RBFOX1: variants seen among roughly 807,000 people sequenced by gnomAD.
RBFOX1 encodes RNA binding protein fox-1 homolog 1.
In RBFOX1, 8 loss-of-function variants were observed where a neutral mutation model predicts 57.7. That is an observed-to-expected ratio of 0.14 (90% CI 0.08 to 0.25). The LOEUF (loss-of-function observed/expected upper bound fraction) is 0.25. Among genes scored for constraint, RBFOX1 ranks in the 10% least tolerant of loss-of-function variants. The pLI is 1.00. For missense variants in RBFOX1, 611 were observed against 548.5 expected (o/e 1.11, Z -1.14); for synonymous variants, 326 against 222.4 (o/e 1.47, Z -4.15).
intron 4 of RBFOX1, among the ~76,000 whole-genome samples, chr16:7,275,565 T>A (rs1431919767): frequency 6.6e-6 from 1 of 152,218 alleles, no homozygotes; most frequent in East Asian, 1.9e-4. Context: ...CTGGACTTCT[T>A]TAGTGAAAGA....
intron 2 of RBFOX1, among the ~76,000 whole-genome samples, chr16:5,597,303 C>G (rs140883374): frequency 6.7e-6 from 1 of 149,372 alleles, no homozygotes; most frequent in Non-Finnish European, 1.5e-5. Context: ...CTCCCGCCCT[C>G]TCTCTTTTGA....
At chr16:6,723,110 C>T (rs1206000942) in intron 3 of RBFOX1, among the ~76,000 whole-genome samples, 1 of 152,182 alleles carries the variant, frequency 6.6e-6, no homozygotes, top group African/African-American at 2.4e-5. Flanking sequence ...AGAGTTTTCA[C>T]AACGTGTTTG....
rs914445744 is a variant in RBFOX1 at position 7,180,879 on chromosome 16, T to C, written c.27+128781T>C. On this transcript the variant is annotated intron_variant, in intron 4 of 15. Coordinates refer to ENST00000550418, the MANE Select transcript of RBFOX1 (RefSeq NM_018723.4). The stretch of plus-strand genomic sequence containing the variant: ...CATGACATTGCCACAAAGTATTTGG[T>C]TGGCAAACTTTTCCTGCAGAGGGTC... 3.3e-5 allele frequency among the ~76,000 whole-genome samples: 5 copies of C among 152,356 alleles called. No individual in the cohort carries two copies. In the East Asian group the frequency reaches 9.7e-4, roughly 29 times the overall value.
In RBFOX1 at chr16:7,251,405, G is replaced by GTTT. The variant is rs71391610; in HGVS notation, c.27+199321_27+199323dup. ...GTAGATACAGAGCATACTTCTGTCC[G>GTTT]TTTTTTTTTTTTTTTTCTGTGGGGG... On this transcript the variant is annotated intron_variant, in intron 4 of 15. Coordinates refer to ENST00000550418, the MANE Select transcript of RBFOX1 (RefSeq NM_018723.4). 4.7e-3 allele frequency among the ~76,000 whole-genome samples: 599 copies of GTTT among 127,890 alleles called. 20 individuals carry two copies. Among genetic ancestry groups the GTTT allele is most frequent in the African/African-American group, 0.011 (363 of 33,374 alleles). The allele number at this position is 127,890 out of a possible 152,430, so 83.9% of individuals were successfully genotyped here. A position where few individuals can be genotyped will look rare whatever the true frequency, so the allele number is the denominator to read the frequency against.
At chr16:6,822,795 C>G (rs1198245262) in intron 3 of RBFOX1, among the ~76,000 whole-genome samples, 1 of 152,188 alleles carries the variant, frequency 6.6e-6, no homozygotes, top group East Asian at 1.9e-4. Context: ...TATGGTCTGA[C>G]TCTCCAACCA....
At chr16:5,549,263 G>T (rs2045359724) in intron 2 of RBFOX1, among the ~76,000 whole-genome samples, 1 of 152,156 alleles carries the variant, frequency 6.6e-6, no homozygotes, top group African/African-American at 2.4e-5. Context: ...CTTCTGGTCT[G>T]CAGATACTTC....
In RBFOX1 at chr16:6,926,003, T is replaced by C. The variant is rs547561430; in HGVS notation, c.-15-126054T>C. On this transcript the variant is annotated intron_variant, in intron 3 of 15. Coordinates refer to ENST00000550418, the MANE Select transcript of RBFOX1 (RefSeq NM_018723.4). ...CCATGTCAACCGTCAGATCTCTGTC[T>C]ATGCTCAAAAACCTCAACTTGCTGG... is the stretch of plus-strand genomic sequence containing the variant. 5.9e-5 allele frequency among the ~76,000 whole-genome samples: 9 copies of C among 152,226 alleles called. No individual in the cohort carries two copies. The South Asian group carries it at 1.9e-3, about 32-fold the overall frequency.
intron 5 of RBFOX1, among the ~76,000 whole-genome samples, chr16:7,561,386 G>A (rs2090329222): frequency 1.3e-5 from 2 of 152,188 alleles, no homozygotes; most frequent in African/African-American, 4.8e-5. Context: ...AGGAGATGCA[G>A]GCATTTCTAT....
At chr16:6,252,725 A>C (rs1472590494) in intron 1 of RBFOX1, among the ~76,000 whole-genome samples, 5 of 152,242 alleles carry the variant, frequency 3.3e-5, no homozygotes, top group African/African-American at 1.2e-4. Flanking sequence ...TATTCAAACA[A>C]GATAAGTACA....
At chr16:7,202,213 A>G (rs913426294) in intron 4 of RBFOX1, among the ~76,000 whole-genome samples, 2 of 152,114 alleles carry the variant, frequency 1.3e-5, no homozygotes, top group African/African-American at 2.4e-5. Context: ...ATGAAAAAAG[A>G]TGCTCAACAT....
intron 4 of RBFOX1, among the ~76,000 whole-genome samples, chr16:5,909,012 G>C (rs1021366882): frequency 6.6e-6 from 1 of 151,198 alleles, no homozygotes; most frequent in Non-Finnish European, 1.5e-5. Context: ...CCAGAACTGT[G>C]AGAAATAAAT....
intron 3 of RBFOX1, among the ~76,000 whole-genome samples, chr16:5,853,802 C>T (rs930902527): frequency 6.6e-6 from 1 of 152,130 alleles, no homozygotes; most frequent in African/African-American, 2.4e-5. Flanking sequence ...GTCACCCAGG[C>T]TGGAGTATAG....
At chr16:6,409,820 T>G (rs921718567) in intron 2 of RBFOX1, among the ~76,000 whole-genome samples, 1 of 152,190 alleles carries the variant, frequency 6.6e-6, no homozygotes, top group Non-Finnish European at 1.5e-5. Flanking sequence ...CTTCATACAC[T>G]GCTCAGTTTC....
At chr16:7,003,411 G>A (rs1475741101) in intron 3 of RBFOX1, among the ~76,000 whole-genome samples, 2 of 151,004 alleles carry the variant, frequency 1.3e-5, no homozygotes, top group Non-Finnish European at 2.9e-5. Flanking sequence ...ACTGAGCAGA[G>A]ATTGCGCCAC....
chr16:6,120,127 C>G (rs960444937), intron 1 of RBFOX1, among the ~76,000 whole-genome samples: 3 of 152,176 alleles, frequency 2.0e-5, no homozygotes, highest in Non-Finnish European at 2.9e-5. Context: ...GCTTCATTCC[C>G]TTTTATGGCT....
intron 2 of RBFOX1, among the ~76,000 whole-genome samples, chr16:6,555,380 A>G (rs2097079633): frequency 6.6e-6 from 1 of 152,176 alleles, no homozygotes; most frequent in African/African-American, 2.4e-5. Context: ...CACAGTAGTC[A>G]GAAGTCTAGT....
intron 4 of RBFOX1, among the ~76,000 whole-genome samples, chr16:7,302,214 A>G (rs1288862042): frequency 6.6e-6 from 1 of 152,168 alleles, no homozygotes; most frequent in Non-Finnish European, 1.5e-5. Context: ...TGCAAGATGA[A>G]AAGTGGAAAG....
chr16:6,629,655 G>T (rs931541403), intron 2 of RBFOX1, among the ~76,000 whole-genome samples: 2 of 152,092 alleles, frequency 1.3e-5, no homozygotes, highest in African/African-American at 4.8e-5. Flanking sequence ...AACTGGAGAT[G>T]ACAACGAGAT....
intron 3 of RBFOX1, among the ~76,000 whole-genome samples, chr16:6,734,511 A>G (rs1043221894): frequency 2.6e-5 from 4 of 152,128 alleles, no homozygotes; most frequent in African/African-American, 9.7e-5. Context: ...AAGTTAAACC[A>G]CTTACTTGAA....
Sources: allele counts gnomAD v4.1 joint callset (sites outside exome capture counted in the v4.1 genomes callset), GRCh38; gene constraint gnomAD v4.1.1; transcripts MANE v1.5; gene names NCBI Gene and HGNC (gene_info 2026-07-23, HGNC 2026-07-21).